Variants in ITPR1 observed in about 807,000 individuals in gnomAD.
ITPR1 encodes the protein inositol 1,4,5-trisphosphate receptor type 1.
In ITPR1, 96 loss-of-function variants were observed where a neutral mutation model predicts 318.4. The observed-to-expected ratio is 0.30, with a 90% confidence interval of 0.26 to 0.36. The LOEUF (loss-of-function observed/expected upper bound fraction) is 0.36, where lower values mean the gene tolerates loss of function less well. Among genes scored for constraint, ITPR1 ranks in the 10% least tolerant of loss-of-function variants. ITPR1 has a pLI of 1.00. For missense variants in ITPR1, 2,440 were observed against 3,460.2 expected (o/e 0.71, Z 7.40); for synonymous variants, 1,312 against 1,289.9 (o/e 1.02, Z -0.37).
intron 44 of ITPR1, among the ~76,000 whole-genome samples, chr3:4,761,738 G>T (rs1048270751): frequency 2.6e-5 from 4 of 152,168 alleles, no homozygotes; most frequent in African/African-American, 9.7e-5. Context: ...CGGGTAGAGG[G>T]GCCGTGCTTC....
chr3:4,843,406 T>G (rs1019866325), intron 61 of ITPR1, among the ~76,000 whole-genome samples: 6 of 152,226 alleles, frequency 3.9e-5, no homozygotes, highest in Non-Finnish European at 7.3e-5. Context: ...TTTTGGAGAT[T>G]ATCAGTGAAA....
intron 4 of ITPR1, among the ~76,000 whole-genome samples, chr3:4,581,368 A>C (rs527503317): frequency 6.6e-6 from 1 of 152,348 alleles, no homozygotes; most frequent in South Asian, 2.1e-4. Flanking sequence ...TCCCTGGTGT[A>C]GGGTTAAAAA....
chr3:4,693,370 A>T (rs1162091559), intron 32 of ITPR1, 120 bp from the exon 33 acceptor site: 13 of 1,103,688 alleles, frequency 1.2e-5, no homozygotes, highest in Non-Finnish European at 1.3e-6. Context: ...CAAAATAGGT[A>T]AGACTGATTT....
chr3:4,584,941 G>GA (rs1377721528), intron 4 of ITPR1, among the ~76,000 whole-genome samples: 5 of 152,198 alleles, frequency 3.3e-5, no homozygotes, highest in Admixed American at 6.5e-5. Context: ...GAGTAAAGGA[G>GA]AAAAACAGAA....
intron 55 of ITPR1, among the ~76,000 whole-genome samples, chr3:4,810,689 T>C (rs1377361143): frequency 1.3e-5 from 2 of 152,314 alleles, no homozygotes; most frequent in Admixed American, 6.5e-5. Context: ...ATAACAACTC[T>C]ACATCCTCCA....
At chr3:4,653,706 G>C (rs1275316811) in intron 11 of ITPR1, 136 bp from the exon 12 acceptor site, 7 of 627,710 alleles carry the variant, frequency 1.1e-5, no homozygotes, top group Non-Finnish European at 2.0e-5. Flanking sequence ...TGGCATGCTG[G>C]TTTTGTGAAC....
Position 4,639,380 on chromosome 3 carries a change from A to C in ITPR1, c.280-4A>C. 5 of 1,560,792 alleles carry C rather than the reference A, an allele frequency of 3.2e-6. No individual in the cohort carries two copies. Among genetic ancestry groups the C allele is most frequent in the Non-Finnish European group, 3.5e-6 (4 of 1,151,518 alleles). ...TGTGATCAATCTTTCTTCTCAATGCACAGCACGCTGCAGACTTGGAAAAGA... is the reference window on the plus strand; with the variant it reads ...TGTGATCAATCTTTCTTCTCAATGCCCAGCACGCTGCAGACTTGGAAAAGA... On this transcript the variant is annotated splice_region_variant and splice_polypyrimidine_tract_variant and intron_variant, in intron 5 of 61. Coordinates refer to ENST00000649015, the MANE Select transcript of ITPR1 (RefSeq NM_001378452.1).
At chr3:4,844,568 A>C (rs1321394684) in intron 61 of ITPR1, among the ~76,000 whole-genome samples, 1 of 152,250 alleles carries the variant, frequency 6.6e-6, no homozygotes, top group African/African-American at 2.4e-5. Context: ...ACTATCAGGT[A>C]GTAAGATGAA....
chr3:4,636,010 G>T (rs952566426), intron 5 of ITPR1, among the ~76,000 whole-genome samples: 3 of 151,874 alleles, frequency 2.0e-5, no homozygotes, highest in African/African-American at 7.3e-5. Context: ...AGAGGCATTC[G>T]CCACCATGCC....
At chr3:4,802,454 G>T (rs1371360519) in intron 54 of ITPR1, among the ~76,000 whole-genome samples, 1 of 152,138 alleles carries the variant, frequency 6.6e-6, no homozygotes, top group Non-Finnish European at 1.5e-5. Context: ...CTGTAGCGAC[G>T]CTTTGATTAG....
intron 4 of ITPR1, among the ~76,000 whole-genome samples, chr3:4,586,780 C>T (rs1489857622): frequency 6.6e-6 from 1 of 151,312 alleles, no homozygotes; most frequent in Non-Finnish European, 1.5e-5. Context: ...ACAAGGACTA[C>T]CTAGATTAAA....
intron 4 of ITPR1, among the ~76,000 whole-genome samples, chr3:4,569,521 G>C (rs1469488503): frequency 6.6e-6 from 1 of 152,192 alleles, no homozygotes; most frequent in Admixed American, 6.5e-5. Context: ...CTGATTCTCT[G>C]TGTTGGCCTC....
intron 2 of ITPR1, among the ~76,000 whole-genome samples, chr3:4,512,502 G>T (rs1370759552): frequency 6.6e-6 from 1 of 152,080 alleles, no homozygotes; most frequent in Admixed American, 6.5e-5. Context: ...TTCATCAGGG[G>T]AATTAGGAAG....
At chr3:4,714,778 ACAT>A (rs1380722417) in intron 39 of ITPR1, among the ~76,000 whole-genome samples, 1 of 152,248 alleles carries the variant, frequency 6.6e-6, no homozygotes, top group Non-Finnish European at 1.5e-5. Flanking sequence ...AAGAAAGTTG[ACAT>A]CATTCTTTAT....
chr3:4,774,738 G>A (rs529278368), intron 46 of ITPR1, among the ~76,000 whole-genome samples: 1 of 152,192 alleles, frequency 6.6e-6, no homozygotes, highest in Non-Finnish European at 1.5e-5. Flanking sequence ...GGCCAAACAA[G>A]TAATCCAGGC....
At chr3:4,673,109 G>T in intron 20 of ITPR1, 27 bp from the exon 21 acceptor site, 1 of 1,598,998 alleles carries the variant, frequency 6.3e-7, no homozygotes, top group Non-Finnish European at 8.5e-7. Context: ...TGGAGCGTGA[G>T]CTGTGTGCCC....
chr3:4,668,952 C>T (rs1017144518), intron 18 of ITPR1, among the ~76,000 whole-genome samples: 1 of 152,208 alleles, frequency 6.6e-6, no homozygotes, highest in African/African-American at 2.4e-5. Flanking sequence ...TTTCTTTCCC[C>T]TTCTCTTGTC....
At chr3:4,730,177 C>A (rs975397473) in intron 42 of ITPR1, among the ~76,000 whole-genome samples, 1 of 144,638 alleles carries the variant, frequency 6.9e-6, no homozygotes, top group Non-Finnish European at 1.5e-5. Context: ...CTATAATTCT[C>A]AGTCTTTATT....
chr3:4,609,023 A>C (rs1316354567), intron 4 of ITPR1, among the ~76,000 whole-genome samples: 4 of 133,464 alleles, frequency 3.0e-5, no homozygotes, highest in Non-Finnish European at 4.8e-5. Flanking sequence ...AAAAAAAAAA[A>C]AACAAAAGAA....
Sources: gnomAD v4.1 joint callset for allele counts (sites outside exome capture counted in the v4.1 genomes callset) on GRCh38, gnomAD v4.1.1 for gene constraint, MANE v1.5 for transcripts, NCBI Gene and HGNC (gene_info 2026-07-23, HGNC 2026-07-21) for gene names.